SEC23IP: variants seen among roughly 807,000 people sequenced by gnomAD.
SEC23IP encodes SEC23 interacting protein, also known as SEC23-interacting protein.
Under a neutral mutation model 113.4 loss-of-function variants are expected in SEC23IP, and 70 were observed. The ratio of observed to expected loss-of-function variants is 0.62; its 90% CI spans 0.51 to 0.75. The LOEUF (loss-of-function observed/expected upper bound fraction) is 0.75, where lower values mean the gene tolerates loss of function less well. SEC23IP is among the 30% of genes least tolerant of loss of function. The pLI, the probability that SEC23IP is intolerant of heterozygous loss-of-function variation, is 0.00. For synonymous variants in SEC23IP, 398 were observed against 421.0 expected (o/e 0.95, Z 0.67); for missense variants, 1,160 against 1,204.9 (o/e 0.96, Z 0.55).
rs751420607 is a variant in SEC23IP, at chr10:119,892,758, G to T, written c.-25G>T. 7 of 1,589,080 alleles carry T rather than the reference G, an allele frequency of 4.4e-6. No individual in the cohort carries two copies. In the Admixed American group the frequency reaches 7.0e-5, roughly 16 times the overall value. On this transcript the variant is annotated 5_prime_UTR_variant, in exon 1 of 19. Transcript: ENST00000369075. ...GGTGTGGTACCGGGTACCCGGAGAC[G>T]TGTATCGGACGGTGGGCCGCAGCCA... is the stretch of plus-strand genomic sequence containing the variant.
chr10:119,915,868 G>A lies in SEC23IP; in HGVS notation c.1523G>A (p.Gly508Glu). Residue 508 changes from glycine (G) to glutamate (E), a missense_variant, in exon 8 of 19, where the codon GGG becomes GAG. Gly to Glu is a moderately conservative substitution (Grantham distance 98). Transcript: ENST00000369075. ...GTTCATTGGCATAGTTCTTTGGGTG[G>A]GGACGCCACAGGTGTGGACAGGTTT... is the stretch of plus-strand genomic sequence containing the variant. Reference protein sequence around the residue: ...LPVHWHSSLGGDATGVDRNIK... With the variant: ...LPVHWHSSLGEDATGVDRNIK... 5 of 1,580,318 alleles carry A rather than the reference G, an allele frequency of 3.2e-6. No homozygotes were observed. Among genetic ancestry groups the A allele is most frequent in the Non-Finnish European group, 4.3e-6 (5 of 1,162,554 alleles).
Position 119,915,872 on chromosome 10 carries a change from C to T in SEC23IP, c.1527C>T (p.Asp509=), listed in dbSNP as rs148075329. The change falls in exon 8 of 19, where the codon GAC becomes GAT. Residue 509 remains aspartate (D), a synonymous_variant. Coordinates refer to ENST00000369075, the MANE Select transcript of SEC23IP (RefSeq NM_007190.4). ...ATTGGCATAGTTCTTTGGGTGGGGA[C>T]GCCACAGGTGTGGACAGGTTTGTGG... The part of the protein sequence containing the change: ...PVHWHSSLGG[D]ATGVDRNIKK... 3.0e-3 allele frequency: 4,769 copies of T among 1,574,048 alleles called. 17 individuals carry two copies. Among genetic ancestry groups the T allele is most frequent in the Non-Finnish European group, 3.8e-3 (4,420 of 1,159,366 alleles).
At chr10:119,918,581 G>C in intron 10 of SEC23IP, 70 bp downstream of exon 10, 6 of 919,604 alleles carry the variant, frequency 6.5e-6, no homozygotes, top group Non-Finnish European at 1.1e-5. Context: ...TCAAAAGTCT[G>C]AACTGTTTCT....
At chr10:119,912,368 A>G (rs1314550681) in intron 6 of SEC23IP, among the ~76,000 whole-genome samples, 1 of 152,134 alleles carries the variant, frequency 6.6e-6, no homozygotes, top group Non-Finnish European at 1.5e-5. Flanking sequence ...CCTGAGCTCA[A>G]GCTATTTGCC....
chr10:119,924,506 G>A (rs893483725), intron 12 of SEC23IP, among the ~76,000 whole-genome samples: 1 of 150,328 alleles, frequency 6.7e-6, no homozygotes, highest in Non-Finnish European at 1.5e-5. Flanking sequence ...TGCAACCTCC[G>A]CCTCCCAGGT....
At chr10:119,933,522 C>T (rs909420944) in intron 17 of SEC23IP, among the ~76,000 whole-genome samples, 164 bp from the exon 18 acceptor site, 3 of 152,194 alleles carry the variant, frequency 2.0e-5, no homozygotes, top group Admixed American at 6.5e-5. Flanking sequence ...TTAAGGACAG[C>T]TCTGAGATTA....
chr10:119,908,514 C>T (rs996771615), intron 4 of SEC23IP, among the ~76,000 whole-genome samples: 6 of 152,070 alleles, frequency 3.9e-5, no homozygotes, highest in African/African-American at 1.4e-4. Context: ...GCCCCAAAGC[C>T]AATATAACTT....
chr10:119,893,325 G>A (rs575408530), intron 1 of SEC23IP, among the ~76,000 whole-genome samples: 45 of 152,062 alleles, frequency 3.0e-4, no homozygotes, highest in African/African-American at 1.0e-3. Context: ...CCTAGGATAC[G>A]GTAAGATACC....
intron 10 of SEC23IP, among the ~76,000 whole-genome samples, chr10:119,919,079 C>A (rs61867989): frequency 0.055 from 8,280 of 149,254 alleles, 429 homozygotes; most frequent in South Asian, 0.28. Context: ...CTGCAACCTC[C>A]GCCTTTCGGT....
At chr10:119,932,376 T>G (rs1338296737) in intron 16 of SEC23IP, 58 bp downstream of exon 16, 1 of 1,308,490 alleles carries the variant, frequency 7.6e-7, no homozygotes, top group Non-Finnish European at 1.1e-6. Context: ...ACATAATACT[T>G]AAAAGTTATA....
chr10:119,904,079 T>A lies in SEC23IP; in HGVS notation c.908-5T>A, dbSNP rs1180580268. 1.9e-6 allele frequency: 3 copies of A among 1,613,096 alleles called. No homozygotes were observed. The highest frequency in any genetic ancestry group is 1.3e-5 in the African/African-American group (1 of 74,902). ...GTTAGGAAAAGTGTTAATTTTGTTCTCTAGTTCAGCCAGATCCGGAGAGCG... is the reference window on the plus strand; with the variant it reads ...GTTAGGAAAAGTGTTAATTTTGTTCACTAGTTCAGCCAGATCCGGAGAGCG... On this transcript the variant is annotated splice_polypyrimidine_tract_variant and splice_region_variant and intron_variant, in intron 3 of 18. Transcript: ENST00000369075.
Position 119,898,698 on chromosome 10 carries a change from A to G in SEC23IP, c.435A>G (p.Pro145=), listed in dbSNP as rs772585825. 5.0e-6 allele frequency: 8 copies of G among 1,614,168 alleles called. No individual in the cohort carries two copies. The highest frequency in any genetic ancestry group is 6.8e-6 in the Non-Finnish European group (8 of 1,180,038). The part of the protein sequence containing the change: ...PSISKAQPGA[P]PSSLMGINSY... ...TTTCGAAGGCTCAACCTGGTGCTCC[A>G]CCTTCCTCACTGATGGGAATAAATT... Residue 145 remains proline, a synonymous_variant, in exon 2 of 19, where the codon CCA becomes CCG. Coordinates refer to ENST00000369075, the MANE Select transcript of SEC23IP (RefSeq NM_007190.4).
At chr10:119,897,892 C>A (rs1235498093) in intron 1 of SEC23IP, among the ~76,000 whole-genome samples, 4 of 151,216 alleles carry the variant, frequency 2.6e-5, no homozygotes, top group Non-Finnish European at 5.9e-5. Context: ...GTAATCCCAG[C>A]TACTCGGGAG....
chr10:119,899,239 AGT>A (rs1327547225), intron 2 of SEC23IP, among the ~76,000 whole-genome samples: 2 of 152,220 alleles, frequency 1.3e-5, no homozygotes, highest in Non-Finnish European at 2.9e-5. Flanking sequence ...GGTAAAAATA[AGT>A]GTTGTCTAGA....
intron 10 of SEC23IP, 133 bp downstream of exon 10, chr10:119,918,644 T>C (rs1045367079): frequency 7.8e-6 from 5 of 644,592 alleles, no homozygotes; most frequent in Non-Finnish European, 1.4e-5. Flanking sequence ...TGAGCCTCAT[T>C]GGTTGCTTGG....
chr10:119,915,760 G>A lies in SEC23IP; in HGVS notation c.1415G>A (p.Arg472Lys). The change falls in exon 8 of 19, where the codon AGG becomes AAG. Residue 472 changes from arginine to lysine, a missense_variant. Physicochemically the swap from Arg to Lys is conservative, Grantham distance 26. Coordinates refer to ENST00000369075, the MANE Select transcript of SEC23IP (RefSeq NM_007190.4). ...RSIIECVDDF[R>K]VVSLKLLRTH... ...TTTTCTTTTGAAGTGGATGATTTTA[G>A]GGTGGTTTCTCTCAAATTGCTGCGG... The A allele has an allele frequency of 6.4e-7, 1 of 1,573,494 alleles. No individual in the cohort carries two copies. The highest frequency in any genetic ancestry group is 8.6e-7 in the Non-Finnish European group (1 of 1,160,564).
rs1414074586 is a variant in SEC23IP at position 119,926,089 on chromosome 10, A to G, written c.2175A>G (p.Gln725=). 6.2e-7 allele frequency: 1 copy of G among 1,614,034 alleles called. No homozygotes were observed. The highest frequency in any genetic ancestry group is 1.7e-5 in the Admixed American group (1 of 59,992). ...TGGCGGCCACTTCTACAAAAGGACA[A>G]GAGCAAAGTGCCCAGAAGACTAAAG... ...KAVAATSTKG[Q]EQSAQKTKDM... The change falls in exon 13 of 19, where the codon CAA becomes CAG. Residue 725 remains glutamine (Q), a synonymous_variant. Transcript: ENST00000369075.
chr10:119,903,559 G>T (rs1160337103), intron 3 of SEC23IP, among the ~76,000 whole-genome samples: 3 of 152,088 alleles, frequency 2.0e-5, no homozygotes, highest in African/African-American at 7.2e-5. Context: ...AAATCCATCA[G>T]TTCTTTGAAT....
intron 2 of SEC23IP, among the ~76,000 whole-genome samples, chr10:119,900,269 A>G (rs1854431550): frequency 2.0e-5 from 3 of 150,050 alleles, no homozygotes; most frequent in South Asian, 4.4e-4. Flanking sequence ...ATGTATATGT[A>G]CGTGTGTGTG....
Sources: gnomAD v4.1 joint callset for allele counts (sites outside exome capture counted in the v4.1 genomes callset) on GRCh38, gnomAD v4.1.1 for gene constraint, MANE v1.5 for transcripts, NCBI Gene and HGNC (gene_info 2026-07-23, HGNC 2026-07-21) for gene names.